The following GRIA4 variants were observed in gnomAD, a reference collection of about 807,000 sequenced individuals.
The protein encoded by GRIA4 is glutamate ionotropic receptor AMPA type subunit 4, also known as glutamate receptor 4.
A neutral mutation model predicts 104.0 loss-of-function variants in GRIA4; 34 were observed. The ratio of observed to expected loss-of-function variants is 0.33; its 90% CI spans 0.25 to 0.44. The LOEUF (loss-of-function observed/expected upper bound fraction) is 0.44, where lower values mean the gene tolerates loss of function less well. GRIA4 is among the 20% of genes least tolerant of loss of function. The probability of loss-of-function intolerance (pLI) is 1.00; values close to 1 mark genes in which losing one functional copy is unlikely to be tolerated. For synonymous variants in GRIA4, 386 were observed against 381.9 expected (o/e 1.01, Z -0.13); for missense variants, 750 against 1,096.5 (o/e 0.68, Z 4.46).
At chr11:105,938,954 A>G (rs1435761853) in intron 14 of GRIA4, among the ~76,000 whole-genome samples, 1 of 152,202 alleles carries the variant, frequency 6.6e-6, no homozygotes, top group Non-Finnish European at 1.5e-5. Context: ...GCCATTTTGA[A>G]TTCTAAATTT....
chr11:105,782,606 C>G (rs1370021676), intron 4 of GRIA4, among the ~76,000 whole-genome samples: 3 of 152,146 alleles, frequency 2.0e-5, no homozygotes, highest in Non-Finnish European at 4.4e-5. Flanking sequence ...TGAAGATACT[C>G]TCTGGGGTCT....
chr11:105,750,265 T>A (rs1299769425), intron 3 of GRIA4, among the ~76,000 whole-genome samples: 1 of 152,144 alleles, frequency 6.6e-6, no homozygotes, highest in Non-Finnish European at 1.5e-5. Context: ...AATATTTGCC[T>A]GACAATCTAT....
chr11:105,766,415 TATCTC>T (rs1303290472), intron 4 of GRIA4, among the ~76,000 whole-genome samples: 1 of 152,192 alleles, frequency 6.6e-6, no homozygotes, highest in Admixed American at 6.6e-5. Context: ...GATTTTCACT[TATCTC>T]AAGTCATAAT....
At chr11:105,966,849 T>A (rs908198805) in intron 14 of GRIA4, among the ~76,000 whole-genome samples, 3 of 152,158 alleles carry the variant, frequency 2.0e-5, no homozygotes, top group African/African-American at 7.2e-5. Context: ...TCACCCGATC[T>A]AAAAAGCCTT....
intron 3 of GRIA4, among the ~76,000 whole-genome samples, chr11:105,614,789 A>C (rs2135249585): frequency 6.6e-6 from 1 of 152,124 alleles, no homozygotes; most frequent in East Asian, 1.9e-4. Flanking sequence ...AATAGTCAAG[A>C]GTGTGGGTCA....
At chr11:105,966,199 ACTGTC>A in intron 14 of GRIA4, 2 of 605,100 alleles carry the variant, frequency 3.3e-6, no homozygotes, top group Admixed American at 6.0e-5. Context: ...GTATGCAGTT[ACTGTC>A]AATGCAAAAA....
chr11:105,823,508 TTTG>T (rs1943651466), intron 4 of GRIA4, among the ~76,000 whole-genome samples: 1 of 152,032 alleles, frequency 6.6e-6, no homozygotes, highest in African/African-American at 2.4e-5. Flanking sequence ...GAAAGGACAT[TTTG>T]CAGAATTGAG....
At chr11:105,867,236 A>G (rs1364638086) in intron 5 of GRIA4, among the ~76,000 whole-genome samples, 1 of 152,160 alleles carries the variant, frequency 6.6e-6, no homozygotes, top group Non-Finnish European at 1.5e-5. Flanking sequence ...ACCTCAGGGC[A>G]AGATCAATGA....
intron 3 of GRIA4, among the ~76,000 whole-genome samples, chr11:105,622,328 T>G (rs2135276472): frequency 6.6e-6 from 1 of 152,012 alleles, no homozygotes; most frequent in South Asian, 2.1e-4. Context: ...ATTTATTTTC[T>G]TACATTAGAA....
chr11:105,952,660 T>C (rs779930950), intron 14 of GRIA4, among the ~76,000 whole-genome samples: 14 of 152,148 alleles, frequency 9.2e-5, no homozygotes, highest in Non-Finnish European at 1.9e-4. Context: ...CTGTGTAACT[T>C]GTTCAGCTCT....
At chr11:105,885,880 A>G (rs944052121) in intron 5 of GRIA4, among the ~76,000 whole-genome samples, 1 of 152,268 alleles carries the variant, frequency 6.6e-6, no homozygotes, top group African/African-American at 2.4e-5. Flanking sequence ...TGCAGTATCT[A>G]TTAGAAGCAA....
At chr11:105,904,036 ATGTTC>A in intron 8 of GRIA4, 55 bp downstream of exon 8, 4 of 1,236,924 alleles carry the variant, frequency 3.2e-6, no homozygotes, top group Admixed American at 4.3e-5. Context: ...TTTTAACTGA[ATGTTC>A]AAAAAACAGA....
chr11:105,911,062 T>C (rs1462688571), intron 10 of GRIA4, among the ~76,000 whole-genome samples: 1 of 152,140 alleles, frequency 6.6e-6, no homozygotes, highest in Non-Finnish European at 1.5e-5. Flanking sequence ...GCATGATTTA[T>C]ATAACTAAAT....
intron 5 of GRIA4, among the ~76,000 whole-genome samples, chr11:105,877,479 C>T (rs1945873157): frequency 6.6e-6 from 1 of 152,192 alleles, no homozygotes; most frequent in Admixed American, 6.6e-5. Flanking sequence ...AGGTAGTTCT[C>T]CTGGATAATA....
chr11:105,734,042 TATATA>T (rs1404353003), intron 3 of GRIA4, among the ~76,000 whole-genome samples: 2 of 147,054 alleles, frequency 1.4e-5, no homozygotes, highest in African/African-American at 5.0e-5. Flanking sequence ...ATGTATATTA[TATATA>T]ATATATGTAT....
intron 16 of GRIA4, among the ~76,000 whole-genome samples, chr11:105,978,282 T>G (rs115884148): frequency 5.3e-4 from 80 of 152,182 alleles, no homozygotes; most frequent in African/African-American, 1.9e-3. Context: ...GTAGAAGTGT[T>G]GTTTTTCTCT....
rs150923757 is a variant in GRIA4, at chr11:105,702,690, C to CTTTTTTTTTTTTTTTTTTTTTTTT, written c.248-50288_248-50287insTTTTTTTTTTTTTTTTTTTTTTTT. Among the ~76,000 whole-genome samples the CTTTTTTTTTTTTTTTTTTTTTTTT allele has an allele frequency of 6.2e-5, 6 of 96,074 alleles. 3 individuals are homozygous for CTTTTTTTTTTTTTTTTTTTTTTTT. The allele number at this position is 96,074 out of a possible 152,430, so 63.0% of individuals were successfully genotyped here. On this transcript the variant is annotated intron_variant, in intron 3 of 16. Coordinates refer to ENST00000282499, the MANE Select transcript of GRIA4 (RefSeq NM_000829.4). ...TTATAAGATATGCAAAATTATTTTC[C>CTTTTTTTTTTTTTTTTTTTTTTTT]TTTCTTTTTTTTTTTTTTTTTTTTG...
intron 4 of GRIA4, among the ~76,000 whole-genome samples, chr11:105,853,956 C>G (rs1944914435): frequency 6.6e-6 from 1 of 152,204 alleles, no homozygotes. Flanking sequence ...TGTCTCTTCT[C>G]TGCTCCAAAG....
intron 4 of GRIA4, among the ~76,000 whole-genome samples, chr11:105,835,548 G>T (rs937792256): frequency 3.3e-5 from 5 of 151,788 alleles, no homozygotes; most frequent in African/African-American, 4.8e-5. Flanking sequence ...CATGGATTTT[G>T]TGTGTGTGTG....
Sources: allele counts gnomAD v4.1 joint callset (sites outside exome capture counted in the v4.1 genomes callset), GRCh38; gene constraint gnomAD v4.1.1; transcripts MANE v1.5; gene names NCBI Gene and HGNC (gene_info 2026-07-23, HGNC 2026-07-21).